The following ANKRD50 variants were observed in gnomAD, a reference collection of about 807,000 sequenced individuals.
ANKRD50 encodes ankyrin repeat domain-containing protein 50.
In ANKRD50, 40 loss-of-function variants were observed where a neutral mutation model predicts 112.0. The ratio of observed to expected loss-of-function variants is 0.36; its 90% CI spans 0.28 to 0.46. The LOEUF (loss-of-function observed/expected upper bound fraction) is 0.46, where lower values mean the gene tolerates loss of function less well. Among genes scored for constraint, ANKRD50 ranks in the 20% least tolerant of loss-of-function variants. The pLI, the probability that ANKRD50 is intolerant of heterozygous loss-of-function variation, is 1.00. For missense variants in ANKRD50, 1,487 were observed against 1,701.7 expected (o/e 0.87, Z 2.22); for synonymous variants, 613 against 619.1 (o/e 0.99, Z 0.15).
At chr4:124,702,808 C>A (rs1168318419) in intron 2 of ANKRD50, among the ~76,000 whole-genome samples, 1 of 152,050 alleles carries the variant, frequency 6.6e-6, no homozygotes, top group Non-Finnish European at 1.5e-5. Flanking sequence ...CTGCTTGGCT[C>A]AATACTTTAG....
chr4:124,704,373 C>T (rs1725458577), intron 2 of ANKRD50, among the ~76,000 whole-genome samples: 1 of 152,206 alleles, frequency 6.6e-6, no homozygotes, highest in Non-Finnish European at 1.5e-5. Flanking sequence ...CAACCCCCTT[C>T]TGTTCTTCGC....
chr4:124,670,333 C>T lies in ANKRD50; in HGVS notation c.2944G>A (p.Ala982Thr), dbSNP rs915797492. 5.6e-6 allele frequency: 9 copies of T among 1,613,938 alleles called. No homozygotes were observed. The highest frequency in any genetic ancestry group is 7.6e-6 in the Non-Finnish European group (9 of 1,179,896). The change falls in exon 4 of 5, where the codon GCA (alanine) becomes ACA (threonine). Residue 982 changes from alanine to threonine, a missense_variant. Ala to Thr is a moderately conservative substitution (Grantham distance 58). Transcript: ENST00000504087. ...VEASDAEGRT[A>T]LHVSCWQGHM... The stretch of plus-strand genomic sequence containing the variant: ...CCTTGCCAACAAGACACATGAAGTG[C>T]TGTCCTTCCTTCAGCATCACTTGCT...
intron 2 of ANKRD50, among the ~76,000 whole-genome samples, chr4:124,699,731 A>G (rs1725345747): frequency 6.6e-6 from 1 of 151,890 alleles, no homozygotes; most frequent in African/African-American, 2.4e-5. Context: ...TTTAAAAGAA[A>G]TCCTTTTCAT....
At chr4:124,703,104 A>C (rs1269911487) in intron 2 of ANKRD50, among the ~76,000 whole-genome samples, 3 of 152,104 alleles carry the variant, frequency 2.0e-5, no homozygotes, top group South Asian at 2.1e-4. Flanking sequence ...AAGAGAGAAG[A>C]TCTAAGCTTG....
At position 124,669,693 on chromosome 4, in the gene ANKRD50, GT is replaced by G; in HGVS notation, c.3583del (p.Thr1195LeufsTer48). ...TGTTTGAGCCGTTGCTGTAGATGAA[GT>G]AGTTCTCAAAGATGAATTTTTTGAG... is the stretch of plus-strand genomic sequence containing the variant. ...KSSKNSSLRT[T>X]SSTATAQTVP... On this transcript the variant is annotated frameshift_variant, in exon 4 of 5. Coordinates refer to ENST00000504087, the MANE Select transcript of ANKRD50 (RefSeq NM_020337.3). LOFTEE classifies it high-confidence loss of function. 6.2e-7 allele frequency: 1 copy of G among 1,613,110 alleles called. No homozygotes were observed. Among genetic ancestry groups the G allele is most frequent in the East Asian group, 2.2e-5 (1 of 44,846 alleles).
In ANKRD50 at chr4:124,672,361, G is replaced by T; in HGVS notation, c.916C>A (p.Leu306Ile). 5 of 1,613,200 alleles carry T rather than the reference G, an allele frequency of 3.1e-6. No individual in the cohort carries two copies. In the South Asian group the frequency reaches 5.5e-5, roughly 18 times the overall value. ...ACAACTCCATCTAAAACTCGTTCTA[G>T]GTAAAGAAAGCATCCACTGCTTTTA... ...HIKSSGCFLY[L>I]ERVLDGVVEN... Residue 306 changes from leucine (L) to isoleucine (I), a missense_variant, in exon 4 of 5, where the codon CTA becomes ATA. Transcript: ENST00000504087.
At chr4:124,694,375 C>A (rs1040144385) in intron 2 of ANKRD50, among the ~76,000 whole-genome samples, 1 of 151,938 alleles carries the variant, frequency 6.6e-6, no homozygotes, top group African/African-American at 2.4e-5. Context: ...AAAAATATAG[C>A]CAGTCAGGAA....
Position 124,669,814 on chromosome 4 carries a change from T to A in ANKRD50, c.3463A>T (p.Asn1155Tyr). The change falls in exon 4 of 5, where the codon AAT becomes TAT. Residue 1155 changes from asparagine (N) to tyrosine (Y), a missense_variant. Physicochemically the swap from Asn to Tyr is moderately radical, Grantham distance 143 (BLOSUM62 -2). This residue lies in a region of ANKRD50 where 441 missense variants were observed against 432.2 expected (regional missense o/e 1.02). Coordinates refer to ENST00000504087, the MANE Select transcript of ANKRD50 (RefSeq NM_020337.3). ...DMQPSLRGLP[N>Y]GPTHAFSSPS... ...GAACTAAAAGCATGAGTAGGCCCAT[T>A]AGGTAAACCACGTAACGAAGGCTGC... The A allele has an allele frequency of 6.2e-7, 1 of 1,612,972 alleles. No homozygotes were observed. Among genetic ancestry groups the A allele is most frequent in the Non-Finnish European group, 8.5e-7 (1 of 1,179,640 alleles).
At chr4:124,701,051 G>A (rs1230694714) in intron 2 of ANKRD50, among the ~76,000 whole-genome samples, 1 of 152,096 alleles carries the variant, frequency 6.6e-6, no homozygotes, top group South Asian at 2.1e-4. Flanking sequence ...TGCAACCTTC[G>A]CTTCCCGGTT....
chr4:124,699,858 T>C (rs1725349055), intron 2 of ANKRD50, among the ~76,000 whole-genome samples: 1 of 151,576 alleles, frequency 6.6e-6, no homozygotes, highest in Admixed American at 6.6e-5. Flanking sequence ...AAGATTATAA[T>C]GTTTTAAATT....
At chr4:124,679,139 T>G (rs1175031252) in intron 2 of ANKRD50, among the ~76,000 whole-genome samples, 1 of 152,178 alleles carries the variant, frequency 6.6e-6, no homozygotes, top group East Asian at 1.9e-4. Context: ...TGTGTGGGTG[T>G]GTGTAATTCA....
At position 124,710,997 on chromosome 4, in the gene ANKRD50, T is replaced by C. The variant is rs1424740131; in HGVS notation, c.-486A>G. On this transcript the variant is annotated 5_prime_UTR_variant, in exon 2 of 5. Transcript: ENST00000504087. ...AATGGCATCAGAGAGATTACATTTA[T>C]ACGGTATGAGGTACAGTATGTAAGT... 1 of 392,230 alleles carries C rather than the reference T, an allele frequency of 2.5e-6. No individual in the cohort carries two copies. Among genetic ancestry groups the C allele is most frequent in the East Asian group, 3.6e-5 (1 of 27,762 alleles). 24.3% of individuals were successfully genotyped at this position (392,230 alleles called of 1,614,324 possible).
chr4:124,687,424 C>G (rs1725032759), intron 2 of ANKRD50, among the ~76,000 whole-genome samples: 1 of 151,534 alleles, frequency 6.6e-6, no homozygotes, highest in South Asian at 2.1e-4. Context: ...AAACATAAAA[C>G]TATAAAACTT....
In ANKRD50 at chr4:124,669,479, T is replaced by C. The variant is rs762585211; in HGVS notation, c.3798A>G (p.Lys1266=). The stretch of plus-strand genomic sequence containing the variant: ...TTTCTGATTTCCCCCCTTTACTTGC[T>C]TTAGTTGACTTCAAACTGGGCTTTA... ...SQVKPSLKST[K]ASKGGKSENS... is the part of the protein sequence containing the mutation. Residue 1266 remains lysine (K), a synonymous_variant, in exon 4 of 5, where the codon AAA becomes AAG. Coordinates refer to ENST00000504087, the MANE Select transcript of ANKRD50 (RefSeq NM_020337.3). The C allele has an allele frequency of 6.2e-7, 1 of 1,612,328 alleles. No homozygotes were observed.
intron 2 of ANKRD50, among the ~76,000 whole-genome samples, chr4:124,680,545 T>A (rs549740148): frequency 9.2e-5 from 14 of 152,296 alleles, no homozygotes; most frequent in African/African-American, 3.4e-4. Context: ...AGGAACATGC[T>A]GAGTTTGGGA....
rs1302243089 is a variant in ANKRD50 at position 124,670,607 on chromosome 4, C to T, written c.2670G>A (p.Glu890=). The change falls in exon 4 of 5, where the codon GAG becomes GAA. Residue 890 remains glutamate (E), a synonymous_variant. Coordinates refer to ENST00000504087, the MANE Select transcript of ANKRD50 (RefSeq NM_020337.3). ...ATATTTGAACACAATCATAATGACCCTCTTGTGAAGCTAATATGAAAGGGA... is the reference window on the plus strand; with the variant it reads ...ATATTTGAACACAATCATAATGACCTTCTTGTGAAGCTAATATGAAAGGGA... ...GRIPFILASQ[E]GHYDCVQILL... 1.1e-5 allele frequency: 18 copies of T among 1,613,362 alleles called. No homozygotes were observed. The highest frequency in any genetic ancestry group is 1.5e-5 in the Non-Finnish European group (18 of 1,179,822).
At position 124,709,389 on chromosome 4, in the gene ANKRD50, C is replaced by A. The variant is rs142164174; in HGVS notation, c.512+611G>T. On this transcript the variant is annotated intron_variant, in intron 2 of 4. Transcript: ENST00000504087. ...TGCTGAAGTTAGGAAAAAACACTTT[C>A]TTTGTACCACTCACTAAAAGTAAAA... Among the ~76,000 whole-genome samples the A allele has an allele frequency of 5.9e-5, 9 of 152,194 alleles. No individual in the cohort carries two copies. In the East Asian group the frequency reaches 1.7e-3, roughly 29 times the overall value.
At position 124,666,695 on chromosome 4, in the gene ANKRD50, G is replaced by T. The variant is rs1331493668; in HGVS notation, c.*823C>A. 2 of 152,378 alleles carry T rather than the reference G, an allele frequency of 1.3e-5. No homozygotes were observed. The highest frequency in any genetic ancestry group is 2.9e-5 in the Non-Finnish European group (2 of 67,906). The allele number at this position is 152,378 out of a possible 1,614,324, so 9.4% of individuals were successfully genotyped here. A position where few individuals can be genotyped will look rare whatever the true frequency, so the allele number is the denominator to read the frequency against. On this transcript the variant is annotated 3_prime_UTR_variant, in exon 5 of 5. Coordinates refer to ENST00000504087, the MANE Select transcript of ANKRD50 (RefSeq NM_020337.3). ...GACTGAGGCATGGCTTTGTCCCTGAGAATTTTCATGCCTCAGGAATGATAG... is the reference window on the plus strand; with the variant it reads ...GACTGAGGCATGGCTTTGTCCCTGATAATTTTCATGCCTCAGGAATGATAG...
At position 124,675,462 on chromosome 4, in the gene ANKRD50, A is replaced by G. The variant is rs1276884192; in HGVS notation, c.743-2928T>C. The stretch of plus-strand genomic sequence containing the variant: ...ACAAATAAAATATGTAGGCATTAAA[A>G]TAGTCATTAAAAAGACAATATGGTG... On this transcript the variant is annotated intron_variant, in intron 3 of 4. Coordinates refer to ENST00000504087, the MANE Select transcript of ANKRD50 (RefSeq NM_020337.3). Among the ~76,000 whole-genome samples the G allele has an allele frequency of 5.3e-5, 8 of 151,938 alleles. No homozygotes were observed. The East Asian group carries it at 1.5e-3, about 29-fold the overall frequency.
Sources: allele counts gnomAD v4.1 joint callset (sites outside exome capture counted in the v4.1 genomes callset), GRCh38; gene constraint gnomAD v4.1.1; regional missense constraint gnomAD v4.1.1; transcripts MANE v1.5; gene names NCBI Gene and HGNC (gene_info 2026-07-23, HGNC 2026-07-21).